Variants in SYT15 observed in about 807,000 individuals in gnomAD.
SYT15 encodes the protein synaptotagmin 15.
In SYT15, 4 loss-of-function variants were observed where a neutral mutation model predicts 30.1. The observed-to-expected ratio is 0.13, with a 90% CI of 0.07 to 0.30. The LOEUF (loss-of-function observed/expected upper bound fraction) is 0.30. Among genes scored for constraint, SYT15 ranks in the 10% least tolerant of loss-of-function variants. SYT15 has a pLI of 1.00. For missense variants in SYT15, 49 were observed against 371.7 expected, an observed-to-expected ratio of 0.13 and a Z score of 7.14; for synonymous variants, 19 against 166.3, an observed-to-expected ratio of 0.11 and a Z score of 6.82.
rs1433976864 is a variant in SYT15 at position 46,590,841 on chromosome 10, C to T, written c.*3194C>T. The T allele has an allele frequency of 8.1e-6, 1 of 123,064 alleles. No homozygotes were observed. The highest frequency in any genetic ancestry group is 1.7e-5 in the Non-Finnish European group (1 of 59,614). 7.6% of individuals were successfully genotyped at this position (123,064 alleles called of 1,614,324 possible). ...ATTTCTCTCAAATACTTACTCTGCA[C>T]CTTTTGAAATAATTTTATTTTTCTC... On this transcript the variant is annotated 3_prime_UTR_variant, in exon 8 of 8. Transcript: ENST00000374321.
At chr10:46,586,372 AC>A (rs1399350369) in intron 7 of SYT15, among the ~76,000 whole-genome samples, 1 of 128,172 alleles carries the variant, frequency 7.8e-6, no homozygotes, top group Non-Finnish European at 1.6e-5. Flanking sequence ...CAGTGAAACC[AC>A]GTCTCTACTA....
At chr10:46,586,718 G>A (rs555897067) in intron 7 of SYT15, among the ~76,000 whole-genome samples, 7 of 128,032 alleles carry the variant, frequency 5.5e-5, no homozygotes, top group South Asian at 2.6e-4. Context: ...GGTGGTGCAC[G>A]CCTGTAGGCC....
At chr10:46,594,853 G>GT (rs1555045108), downstream of SYT15, among the ~76,000 whole-genome samples, 4 of 102,120 alleles carry the variant, frequency 3.9e-5, no homozygotes, top group South Asian at 1.5e-3. Context: ...TGGAATGAGT[G>GT]TTGGTCTGCC....
chr10:46,580,891 C>G lies in SYT15; in HGVS notation c.213-3C>G, dbSNP rs1844128050. On this transcript the variant is annotated splice_polypyrimidine_tract_variant and splice_region_variant and intron_variant, in intron 2 of 7. Coordinates refer to ENST00000374321, the MANE Select transcript of SYT15 (RefSeq NM_031912.5). ...TACATGTTGTCTCCCTGACTCTGGACAGGCCACCAGCTGTGCCATTCGTGG... is the reference window on the plus strand; with the variant it reads ...TACATGTTGTCTCCCTGACTCTGGAGAGGCCACCAGCTGTGCCATTCGTGG... 1 of 1,441,698 alleles carries G rather than the reference C, an allele frequency of 6.9e-7. No individual in the cohort carries two copies. Among genetic ancestry groups the G allele is most frequent in the Non-Finnish European group, 9.2e-7 (1 of 1,089,630 alleles). 89.3% of individuals were successfully genotyped at this position (1,441,698 alleles called of 1,614,324 possible).
chr10:46,592,526 T>C (rs562902821), downstream of SYT15, among the ~76,000 whole-genome samples: 1 of 124,040 alleles, frequency 8.1e-6, no homozygotes, highest in Non-Finnish European at 1.7e-5. Context: ...TTTTTGTGTA[T>C]GCACATCTGC....
Position 46,591,477 on chromosome 10 carries a change from TAAATA to T in SYT15, c.*3835_*3839del, listed in dbSNP as rs1171649518. 3 of 107,218 alleles carry T rather than the reference TAAATA, an allele frequency of 2.8e-5. No homozygotes were observed. The highest frequency in any genetic ancestry group is 5.6e-5 in the Non-Finnish European group (3 of 53,752). The allele number at this position is 107,218 out of a possible 1,614,324, so 6.6% of individuals were successfully genotyped here. On this transcript the variant is annotated 3_prime_UTR_variant, in exon 8 of 8. Coordinates refer to ENST00000374321, the MANE Select transcript of SYT15 (RefSeq NM_031912.5). ...CAAAAAAATAAAATAAGTAAATAAA[TAAATA>T]AAATTTAGATTAATTTGCTGTTATA...
chr10:46,596,897 A>G (rs1555045919), downstream of SYT15: 3 of 368,180 alleles, frequency 8.1e-6, 1 homozygote, highest in Admixed American at 3.7e-5. Flanking sequence ...GACATTTTAA[A>G]TGCTGAACAG....
intron 7 of SYT15, among the ~76,000 whole-genome samples, chr10:46,586,849 AAAAAAAG>A (rs1250190298): frequency 1.7e-4 from 8 of 48,404 alleles, no homozygotes; most frequent in Non-Finnish European, 2.5e-4. Context: ...GTCAAAAAAA[AAAAAAAG>A]AAAAGAAAAG....
downstream of SYT15, chr10:46,596,404 G>A (rs1480146297): frequency 6.7e-6 from 1 of 148,294 alleles, no homozygotes; most frequent in African/African-American, 2.7e-5. Context: ...AGTCTCACCT[G>A]AGTGCCTCAC....
In SYT15 at chr10:46,581,030, G is replaced by A. The variant is rs373437721; in HGVS notation, c.349G>A (p.Gly117Ser). The change falls in exon 3 of 8, where the codon GGC becomes AGC. Residue 117 changes from glycine (G) to serine (S), a missense_variant. Physicochemically the swap from Gly to Ser is moderately conservative, Grantham distance 56 (BLOSUM62 0). Coordinates refer to ENST00000374321, the MANE Select transcript of SYT15 (RefSeq NM_031912.5). ...SELLPHTSSGGLGDACMVGAI... is the reference protein window; with the variant it reads ...SELLPHTSSGSLGDACMVGAI... ...GCTGCTGCCTCACACCTCCAGCGGC[G>A]GCCTTGGTGAGTGTCCTTGCCAGGG... is the stretch of plus-strand genomic sequence containing the variant. 1.7e-5 allele frequency: 18 copies of A among 1,078,730 alleles called. No homozygotes were observed. Among genetic ancestry groups the A allele is most frequent in the African/African-American group, 3.9e-5 (2 of 51,572 alleles). The allele number at this position is 1,078,730 out of a possible 1,614,324, so 66.8% of individuals were successfully genotyped here. A position where few individuals can be genotyped will look rare whatever the true frequency, so the allele number is the denominator to read the frequency against.
At chr10:46,586,418 T>C (rs4628619) in intron 7 of SYT15, among the ~76,000 whole-genome samples, 91,525 of 92,548 alleles carry the variant, frequency 0.99, 45,472 homozygotes, top group Middle Eastern at 1. Flanking sequence ...TGGTGGCTGG[T>C]GCCTGTAGTC....
chr10:46,580,719 C>CAT (rs1844097794), intron 2 of SYT15, among the ~76,000 whole-genome samples, 175 bp from the exon 3 acceptor site: 1 of 66,066 alleles, frequency 1.5e-5, no homozygotes, highest in African/African-American at 6.2e-5. Context: ...TGTGTGTGTG[C>CAT]GTGTGTGTGT....
intron 7 of SYT15, among the ~76,000 whole-genome samples, chr10:46,586,850 AAAAAAGAAAAG>A (rs1291247137): frequency 1.9e-5 from 1 of 51,772 alleles, no homozygotes; most frequent in Non-Finnish European, 3.6e-5. Flanking sequence ...TCAAAAAAAA[AAAAAAGAAAAG>A]AAAAGAAAAA....
At chr10:46,580,766 C>T in intron 2 of SYT15, 128 bp from the exon 3 acceptor site, 1 of 539,130 alleles carries the variant, frequency 1.9e-6, no homozygotes, top group South Asian at 2.3e-5. Context: ...AAAATGGTGC[C>T]CTGGCCTCCT....
rs1396796992 is a variant in SYT15 at position 46,580,715 on chromosome 10, TGTGC to T, written c.213-175_213-172del. On this transcript the variant is annotated intron_variant, in intron 2 of 7. Transcript: ENST00000374321. ...GTGTGTGTGTGTGTGTGTGTGTGTG[TGTGC>T]GTGTGTGTGTGTGTGTGTTGCCTGG... Among the ~76,000 whole-genome samples the T allele has an allele frequency of 6.1e-4, 75 of 123,786 alleles. 3 individuals carry two copies. Among genetic ancestry groups the T allele is most frequent in the Admixed American group, 2.4e-3 (29 of 12,340 alleles). The allele number at this position is 123,786 out of a possible 152,430, so 81.2% of individuals were successfully genotyped here.
intron 5 of SYT15, among the ~76,000 whole-genome samples, chr10:46,584,286 T>G (rs1235479276): frequency 6.6e-6 from 1 of 151,800 alleles, no homozygotes; most frequent in Non-Finnish European, 1.5e-5. Context: ...TGTGACTCCT[T>G]AGCTCTGGTC....
downstream of SYT15, among the ~76,000 whole-genome samples, chr10:46,595,798 G>A (rs764466134): frequency 7.7e-6 from 1 of 129,716 alleles, no homozygotes; most frequent in Non-Finnish European, 1.6e-5. Flanking sequence ...TCACATTTGT[G>A]CATTCTGAAC....
Position 46,583,724 on chromosome 10 carries a change from C to CA in SYT15, c.652-8_652-7insA. The CA allele has an allele frequency of 1.3e-6, 1 of 791,372 alleles. No individual in the cohort carries two copies. The highest frequency in any genetic ancestry group is 3.6e-4 in the Middle Eastern group (1 of 2,740). 49.0% of individuals were successfully genotyped at this position (791,372 alleles called of 1,614,324 possible). On this transcript the variant is annotated splice_region_variant and splice_polypyrimidine_tract_variant and intron_variant, in intron 4 of 7. Transcript: ENST00000374321. ...CCTGACTCTGGCTGGTGTCCTTGTC[C>CA]CCCCCAGGTGTCCAGCAAGACCATC...
chr10:46,582,359 C>G (rs1312917958), intron 4 of SYT15, among the ~76,000 whole-genome samples, 168 bp downstream of exon 4: 6 of 148,306 alleles, frequency 4.0e-5, no homozygotes, highest in Admixed American at 2.7e-4. Context: ...CCTATAGGAG[C>G]TGATCCCTGA....
Sources: allele counts gnomAD v4.1 joint callset (sites outside exome capture counted in the v4.1 genomes callset), GRCh38; gene constraint gnomAD v4.1.1; transcripts MANE v1.5; gene names NCBI Gene and HGNC (gene_info 2026-07-23, HGNC 2026-07-21).